CTNNB1: variants seen among roughly 807,000 people sequenced by gnomAD.
CTNNB1 encodes catenin beta-1.
A neutral mutation model predicts 82.5 loss-of-function variants in CTNNB1; 6 were observed. The observed-to-expected ratio is 0.07, with a 90% CI of 0.04 to 0.14. The LOEUF (loss-of-function observed/expected upper bound fraction) is 0.14. CTNNB1 is among the 10% of genes least tolerant of loss of function. CTNNB1 has a pLI of 1.00. For synonymous variants in CTNNB1, 312 were observed against 329.7 expected (o/e 0.95, Z 0.58); for missense variants, 529 against 980.4 (o/e 0.54, Z 6.15).
rs571252054 is a variant in CTNNB1 at position 41,225,224 on chromosome 3, C to T, written c.495+17C>T. ...GAGGACCAGGTAAGCAATGACATAGCTAGCTTTTTAGTCTGCTTTGAAGTA... is the reference window on the plus strand; with the variant it reads ...GAGGACCAGGTAAGCAATGACATAGTTAGCTTTTTAGTCTGCTTTGAAGTA... On this transcript the variant is annotated intron_variant, in intron 4 of 14. Transcript: ENST00000349496. This position sits in a 1 kb window ranked among gnomAD's most constrained non-coding sequence, Gnocchi z 5.3. 6.2e-7 allele frequency: 1 copy of T among 1,614,032 alleles called. No homozygotes were observed. The highest frequency in any genetic ancestry group is 1.7e-5 in the Admixed American group (1 of 59,980).
intron 10 of CTNNB1, chr3:41,234,543 G>A: frequency 1.4e-5 from 7 of 516,608 alleles, no homozygotes; most frequent in Non-Finnish European, 2.1e-5. Context: ...TGGGTTAGGT[G>A]TTTCATAAAG....
At position 41,224,028 on chromosome 3, in the gene CTNNB1, G is replaced by C. The variant is rs1403790376; in HGVS notation, c.-41G>C. On this transcript the variant is annotated 5_prime_UTR_variant, in exon 2 of 15. Coordinates refer to ENST00000349496, the MANE Select transcript of CTNNB1 (RefSeq NM_001904.4). ...TTGATTAACTTTTTTTAGGGTATTT[G>C]AAGTATACCATACAACTGTTTTGAA... 1 of 1,607,158 alleles carries C rather than the reference G, an allele frequency of 6.2e-7. No homozygotes were observed. Among genetic ancestry groups the C allele is most frequent in the East Asian group, 2.2e-5 (1 of 44,838 alleles).
chr3:41,238,787 GTGGTCACACAGTAGATTCCTGC>G (rs1243975255), intron 14 of CTNNB1, among the ~76,000 whole-genome samples: 1 of 152,120 alleles, frequency 6.6e-6, no homozygotes, highest in Non-Finnish European at 1.5e-5. Flanking sequence ...CACTGCCTAG[GTGGTCACACAGTAGATTCCTGC>G]TTCTTCTCCT....
intron 13 of CTNNB1, chr3:41,237,710 T>TC (rs2078472030): frequency 5.1e-6 from 1 of 195,770 alleles, no homozygotes. Context: ...TTTTTTTTTT[T>TC]TTTTTTTTAA....
At chr3:41,229,324 C>G (rs1214463685) in intron 7 of CTNNB1, among the ~76,000 whole-genome samples, 1 of 152,084 alleles carries the variant, frequency 6.6e-6, no homozygotes, top group Admixed American at 6.6e-5. Context: ...AATATTGATT[C>G]TTCCTGCCAT....
At chr3:41,233,051 G>T in intron 7 of CTNNB1, 1 of 503,084 alleles carries the variant, frequency 2.0e-6, no homozygotes, top group Non-Finnish European at 3.6e-6. Flanking sequence ...TGGATGAAAA[G>T]AAATGAGTAA....
Position 41,239,986 on chromosome 3 carries a change from C to CTTTTTTTTTTTTTTTTTT in CTNNB1, c.*652_*669dup, listed in dbSNP as rs1207330730. 10 of 30,584 alleles carry CTTTTTTTTTTTTTTTTTT rather than the reference C, an allele frequency of 3.3e-4. No homozygotes were observed. The highest frequency in any genetic ancestry group is 4.7e-4 in the Non-Finnish European group (7 of 14,782). 1.9% of individuals were successfully genotyped at this position (30,584 alleles called of 1,614,324 possible). A position where few individuals can be genotyped will look rare whatever the true frequency, so the allele number is the denominator to read the frequency against. On this transcript the variant is annotated 3_prime_UTR_variant, in exon 15 of 15. Transcript: ENST00000349496. ...TGACTTTGCTTGCTTTGAAGTAGCT[C>CTTTTTTTTTTTTTTTTTT]TTTTTTTTTTTTTTTTTTTTTTTTT...
intron 2 of CTNNB1, 101 bp from the exon 3 acceptor site, chr3:41,224,425 A>T (rs191245162): frequency 8.1e-7 from 1 of 1,236,294 alleles, no homozygotes; most frequent in Admixed American, 2.0e-5. Context: ...ATTTGACTTT[A>T]TTTCTAAAAA....
intron 1 of CTNNB1, among the ~76,000 whole-genome samples, chr3:41,218,108 AAT>A (rs2077956865): frequency 6.6e-6 from 1 of 152,100 alleles, no homozygotes; most frequent in Non-Finnish European, 1.5e-5. Context: ...TTTACGTGTA[AAT>A]ATTTGGTGAA....
chr3:41,234,309 C>T lies in CTNNB1; in HGVS notation c.1683+12C>T, dbSNP rs774419581. On this transcript the variant is annotated intron_variant, in intron 10 of 14. Transcript: ENST00000349496. ...AGCAGCAATTTGTGGTAGGTAAATT[C>T]TTACAGTGATACCTGGCTATCTAAA... 7 of 1,613,898 alleles carry T rather than the reference C, an allele frequency of 4.3e-6. No individual in the cohort carries two copies. Among genetic ancestry groups the T allele is most frequent in the South Asian group, 3.3e-5 (3 of 91,064 alleles).
chr3:41,211,510 T>C (rs887538513), intron 1 of CTNNB1, among the ~76,000 whole-genome samples: 2 of 152,198 alleles, frequency 1.3e-5, no homozygotes, highest in African/African-American at 4.8e-5. Context: ...TAGTACTCAA[T>C]AGATAACGTT....
At chr3:41,204,488 A>C (rs1040313548) in intron 1 of CTNNB1, among the ~76,000 whole-genome samples, 1 of 152,224 alleles carries the variant, frequency 6.6e-6, no homozygotes. Flanking sequence ...TTGTAGTGGG[A>C]ATGGCTACTC....
intron 1 of CTNNB1, among the ~76,000 whole-genome samples, chr3:41,209,105 A>G (rs1033015015): frequency 3.3e-5 from 5 of 152,120 alleles, no homozygotes; most frequent in African/African-American, 9.7e-5. Flanking sequence ...CCAGGCCACC[A>G]TGTCTGTTAG....
chr3:41,218,635 C>G (rs2077967906), intron 1 of CTNNB1, among the ~76,000 whole-genome samples: 1 of 152,236 alleles, frequency 6.6e-6, no homozygotes, highest in Non-Finnish European at 1.5e-5. Context: ...ACACTGGGCT[C>G]AGATGATTCT....
chr3:41,207,140 G>A (rs1397990095), intron 1 of CTNNB1, among the ~76,000 whole-genome samples: 1 of 152,064 alleles, frequency 6.6e-6, no homozygotes, highest in African/African-American at 2.4e-5. Flanking sequence ...CAGAGTGTCA[G>A]CATTCTGTTC....
chr3:41,205,560 C>T (rs566076019), intron 1 of CTNNB1, among the ~76,000 whole-genome samples: 5 of 152,048 alleles, frequency 3.3e-5, no homozygotes, highest in Non-Finnish European at 2.9e-5. Flanking sequence ...CCTGTGATCC[C>T]AGCTGCTTGG....
At chr3:41,227,925 C>T (rs554178698) in intron 7 of CTNNB1, among the ~76,000 whole-genome samples, 15 of 152,170 alleles carry the variant, frequency 9.9e-5, no homozygotes, top group East Asian at 1.9e-4. Flanking sequence ...TCTTTGTGCC[C>T]GTGTGTACTC....
chr3:41,207,983 G>A (rs1454293162), intron 1 of CTNNB1, among the ~76,000 whole-genome samples: 1 of 152,114 alleles, frequency 6.6e-6, no homozygotes, highest in African/African-American at 2.4e-5. Context: ...ACTTTCATGT[G>A]ATCAAATTAT....
intron 1 of CTNNB1, among the ~76,000 whole-genome samples, chr3:41,208,850 G>GA (rs1423539904): frequency 3.3e-5 from 5 of 152,204 alleles, no homozygotes; most frequent in African/African-American, 1.2e-4. Context: ...CTTTCCATGA[G>GA]CAAACATGGT....
Sources: allele counts gnomAD v4.1 joint callset (sites outside exome capture counted in the v4.1 genomes callset), GRCh38; gene constraint gnomAD v4.1.1; non-coding constraint Gnocchi (gnomAD v3.1); transcripts MANE v1.5; gene names NCBI Gene and HGNC (gene_info 2026-07-23, HGNC 2026-07-21).